The following UBR3 variants were observed in gnomAD, a reference collection of about 807,000 sequenced individuals.
UBR3 encodes the protein E3 ubiquitin-protein ligase UBR3.
In UBR3, 85 loss-of-function variants were observed where a neutral mutation model predicts 243.2. The observed-to-expected ratio is 0.35, with a 90% CI of 0.29 to 0.42. UBR3 has a LOEUF of 0.42. Among genes scored for constraint, UBR3 ranks in the 10% least tolerant of loss-of-function variants. The probability of loss-of-function intolerance (pLI) is 1.00; values close to 1 mark genes in which losing one functional copy is unlikely to be tolerated. For synonymous variants in UBR3, 748 were observed against 799.8 expected (o/e 0.94, Z 1.09); for missense variants, 1,686 against 2,300.8 (o/e 0.73, Z 5.47).
intron 24 of UBR3, among the ~76,000 whole-genome samples, chr2:169,977,445 A>G (rs1223781504): frequency 6.6e-6 from 1 of 152,180 alleles, no homozygotes; most frequent in Non-Finnish European, 1.5e-5. Flanking sequence ...TAAAACCCTC[A>G]AAACCAGAGA....
At chr2:169,914,355 C>G (rs1344913977) in intron 11 of UBR3, among the ~76,000 whole-genome samples, 12 of 152,116 alleles carry the variant, frequency 7.9e-5, no homozygotes, top group South Asian at 2.1e-4. Flanking sequence ...CTGGAGCGCA[C>G]TAATATGTCT....
In UBR3 at chr2:169,827,617, C is replaced by G; in HGVS notation, c.110C>G (p.Ala37Gly). Residue 37 changes from alanine to glycine, a missense_variant, in exon 1 of 39, where the codon GCG (alanine) becomes GGG (glycine). By Grantham distance (60) the Ala-to-Gly change is moderately conservative. This residue lies in a region of UBR3 where 79 missense variants were observed against 73.2 expected (regional missense o/e 1.08). Transcript: ENST00000272793. ...DKAATAAHLKAALSRPDNRAG... is the reference protein window; with the variant it reads ...DKAATAAHLKGALSRPDNRAG... The stretch of plus-strand genomic sequence containing the variant: ...GCGGCCACCGCCGCGCACCTCAAGG[C>G]GGCCCTCAGCCGGCCGGACAACCGC... 1 of 1,267,910 alleles carries G rather than the reference C, an allele frequency of 7.9e-7. No homozygotes were observed. Among genetic ancestry groups the G allele is most frequent in the Non-Finnish European group, 9.9e-7 (1 of 1,006,744 alleles). 78.5% of individuals were successfully genotyped at this position (1,267,910 alleles called of 1,614,324 possible). A position where few individuals can be genotyped will look rare whatever the true frequency, so the allele number is the denominator to read the frequency against.
chr2:169,968,483 A>G (rs984165768), intron 24 of UBR3, among the ~76,000 whole-genome samples: 11 of 152,204 alleles, frequency 7.2e-5, no homozygotes, highest in Admixed American at 5.2e-4. Flanking sequence ...TTCACTTAAC[A>G]TAATGACTTC....
At chr2:169,903,310 C>G (rs935875467) in intron 8 of UBR3, among the ~76,000 whole-genome samples, 7 of 152,172 alleles carry the variant, frequency 4.6e-5, no homozygotes, top group Admixed American at 4.6e-4. Flanking sequence ...CTTATTCATC[C>G]TCTGGTTTCA....
intron 1 of UBR3, among the ~76,000 whole-genome samples, chr2:169,841,945 CTCCACCTGTAGCCCCGGTGCGG>C (rs2082307946): frequency 6.6e-6 from 1 of 152,262 alleles, no homozygotes; most frequent in East Asian, 1.9e-4. Context: ...TGGCAGGCAG[CTCCACCTGTAGCCCCGGTGCGG>C]GATCCACTAG....
intron 1 of UBR3, among the ~76,000 whole-genome samples, chr2:169,871,743 C>CAAAACAAAAAAAAA (rs2083445036): frequency 1.1e-5 from 1 of 94,998 alleles, no homozygotes; most frequent in African/African-American, 3.4e-5. Context: ...CCAAGACTCT[C>CAAAACAAAAAAAAA]AAAAAAAAAA....
intron 18 of UBR3, among the ~76,000 whole-genome samples, chr2:169,929,985 T>A (rs529370560): frequency 6.6e-6 from 1 of 152,354 alleles, no homozygotes; most frequent in Admixed American, 6.5e-5. Flanking sequence ...ATCCAGTCTC[T>A]GGTTGGAAAG....
At chr2:169,913,498 C>T (rs1171750034) in intron 10 of UBR3, among the ~76,000 whole-genome samples, 1 of 152,060 alleles carries the variant, frequency 6.6e-6, no homozygotes, top group African/African-American at 2.4e-5. Flanking sequence ...TCAAGTGGTA[C>T]ACACATCATT....
At chr2:169,903,120 G>A (rs1241344780) in intron 8 of UBR3, among the ~76,000 whole-genome samples, 1 of 152,148 alleles carries the variant, frequency 6.6e-6, no homozygotes, top group East Asian at 1.9e-4. Context: ...TTGTTGATGA[G>A]TGAATTTAAT....
chr2:169,948,974 AACAAATC>A (rs2086898849), intron 22 of UBR3, among the ~76,000 whole-genome samples: 2 of 151,928 alleles, frequency 1.3e-5, no homozygotes, highest in African/African-American at 2.4e-5. Context: ...ACAAATCAAA[AACAAATC>A]ACAAATCACA....
chr2:169,851,570 A>G (rs994039049), intron 1 of UBR3, among the ~76,000 whole-genome samples: 2 of 152,124 alleles, frequency 1.3e-5, no homozygotes, highest in African/African-American at 4.8e-5. Context: ...ATCTTACTCA[A>G]TGAGTAGGTA....
intron 36 of UBR3, chr2:170,077,282 GC>G: frequency 2.7e-6 from 2 of 748,118 alleles, no homozygotes; most frequent in Non-Finnish European, 5.0e-6. Context: ...GGTAACCACA[GC>G]CTATTTTCCC....
At chr2:169,840,669 T>G (rs2082260863) in intron 1 of UBR3, among the ~76,000 whole-genome samples, 1 of 152,126 alleles carries the variant, frequency 6.6e-6, no homozygotes, top group Non-Finnish European at 1.5e-5. Flanking sequence ...TGCCTTCGTG[T>G]GGACTCTGCT....
chr2:169,956,506 A>G (rs1310987351), intron 23 of UBR3, among the ~76,000 whole-genome samples: 2 of 152,104 alleles, frequency 1.3e-5, no homozygotes, highest in Non-Finnish European at 2.9e-5. Flanking sequence ...ACTTTGATGA[A>G]TAAGTTGAGT....
chr2:170,053,224 T>C (rs2091260708), intron 32 of UBR3, among the ~76,000 whole-genome samples: 1 of 152,196 alleles, frequency 6.6e-6, no homozygotes, highest in Admixed American at 6.5e-5. Context: ...ACACTATGCC[T>C]AAATTGTTTG....
intron 11 of UBR3, among the ~76,000 whole-genome samples, chr2:169,917,264 G>C (rs964520534): frequency 6.6e-6 from 1 of 152,138 alleles, no homozygotes; most frequent in African/African-American, 2.4e-5. Flanking sequence ...TCTTCAGAGA[G>C]AACATTGTCC....
intron 5 of UBR3, among the ~76,000 whole-genome samples, chr2:169,886,134 G>A (rs1019493409): frequency 2.7e-5 from 4 of 148,568 alleles, no homozygotes; most frequent in African/African-American, 4.9e-5. Context: ...CCCAGCCTGC[G>A]CGACAGAGTG....
intron 11 of UBR3, among the ~76,000 whole-genome samples, 188 bp downstream of exon 11, chr2:169,914,334 T>A (rs919474413): frequency 1.3e-5 from 2 of 152,186 alleles, no homozygotes; most frequent in Non-Finnish European, 2.9e-5. Context: ...TTCTTTGACA[T>A]TTAGGAGATT....
At chr2:169,890,558 T>TACAC (rs1376039954) in intron 5 of UBR3, among the ~76,000 whole-genome samples, 1 of 105,982 alleles carries the variant, frequency 9.4e-6, no homozygotes, top group East Asian at 2.3e-4. Flanking sequence ...TATATATATA[T>TACAC]ATATATGTGT....
Sources: allele counts gnomAD v4.1 joint callset (sites outside exome capture counted in the v4.1 genomes callset), GRCh38; gene constraint gnomAD v4.1.1; regional missense constraint gnomAD v4.1.1; transcripts MANE v1.5; gene names NCBI Gene and HGNC (gene_info 2026-07-23, HGNC 2026-07-21).